FHOD3: variants seen among roughly 807,000 people sequenced by gnomAD.
The protein encoded by FHOD3 is formin homology 2 domain containing 3.
Under a neutral mutation model 173.0 loss-of-function variants are expected in FHOD3, and 90 were observed. The ratio of observed to expected loss-of-function variants is 0.52; its 90% confidence interval spans 0.44 to 0.62. FHOD3 has a LOEUF of 0.62. FHOD3 is among the 20% of genes least tolerant of loss of function. FHOD3 has a pLI of 0.00. For synonymous variants in FHOD3, 828 were observed against 823.0 expected (o/e 1.01, Z -0.10); for missense variants, 1,945 against 2,034.7 (o/e 0.96, Z 0.85).
chr18:36,393,913 C>T (rs2048425340), intron 3 of FHOD3, among the ~76,000 whole-genome samples: 1 of 152,110 alleles, frequency 6.6e-6, no homozygotes, highest in Non-Finnish European at 1.5e-5. Context: ...CCGGGGACTA[C>T]AGATATATTA....
intron 5 of FHOD3, among the ~76,000 whole-genome samples, chr18:36,528,039 C>T (rs1394710641): frequency 1.3e-5 from 2 of 152,146 alleles, no homozygotes; most frequent in African/African-American, 4.8e-5. Context: ...TGGTGTTCTC[C>T]CTGAGGACCA....
chr18:36,453,262 TA>T (rs1230450011), intron 3 of FHOD3, among the ~76,000 whole-genome samples: 1 of 152,216 alleles, frequency 6.6e-6, no homozygotes, highest in Non-Finnish European at 1.5e-5. Context: ...TCTCTGGGTA[TA>T]AAAATTTCTT....
At chr18:36,340,800 CT>C (rs1245169969) in intron 1 of FHOD3, among the ~76,000 whole-genome samples, 1 of 152,010 alleles carries the variant, frequency 6.6e-6, no homozygotes, top group African/African-American at 2.4e-5. Flanking sequence ...CCACGCCCGG[CT>C]AATTTTTTTG....
At chr18:36,301,089 A>G (rs2091947635) in intron 1 of FHOD3, among the ~76,000 whole-genome samples, 1 of 152,158 alleles carries the variant, frequency 6.6e-6, no homozygotes, top group African/African-American at 2.4e-5. Context: ...AAAAGTGTAC[A>G]GGGTATAAGT....
chr18:36,465,375 AATG>A (rs1214762827), intron 3 of FHOD3, among the ~76,000 whole-genome samples: 4 of 152,174 alleles, frequency 2.6e-5, no homozygotes, highest in Admixed American at 6.5e-5. Context: ...GAGCACAAGC[AATG>A]ATGTTCGTGG....
chr18:36,637,155 TAA>T (rs1036438028), intron 10 of FHOD3, among the ~76,000 whole-genome samples: 5 of 152,240 alleles, frequency 3.3e-5, no homozygotes, highest in Admixed American at 6.5e-5. Context: ...AGCCTTACAT[TAA>T]AAGACTTCTT....
chr18:36,512,316 A>G (rs1367302032), intron 4 of FHOD3, 122 bp from the exon 5 acceptor site: 8 of 717,074 alleles, frequency 1.1e-5, no homozygotes, highest in African/African-American at 1.7e-5. Flanking sequence ...ATTTGAATAC[A>G]GCAGAGCAAT....
At chr18:36,402,656 C>T (rs899493733) in intron 3 of FHOD3, among the ~76,000 whole-genome samples, 4 of 152,010 alleles carry the variant, frequency 2.6e-5, no homozygotes, top group African/African-American at 9.7e-5. Flanking sequence ...GTGCTCTTTC[C>T]CTGACATCCA....
intron 21 of FHOD3, 90 bp downstream of exon 21, chr18:36,740,928 A>G (rs1283984634): frequency 1.6e-6 from 2 of 1,286,058 alleles, no homozygotes; most frequent in African/African-American, 3.0e-5. Flanking sequence ...GCAGTGAAAT[A>G]TCATTCTTGG....
rs73949810 is a variant in FHOD3 at position 36,633,499 on chromosome 18, A to T, written c.1196+7750A>T. 5.3e-3 allele frequency among the ~76,000 whole-genome samples: 802 copies of T among 152,284 alleles called. 10 individuals carry two copies. The highest frequency in any genetic ancestry group is 0.018 in the African/African-American group (763 of 41,546). On this transcript the variant is annotated intron_variant, in intron 10 of 28. Coordinates refer to ENST00000590592, the MANE Select transcript of FHOD3 (RefSeq NM_001281740.3). ...TAACTTTGTACTGGCTATTGGACTA[A>T]ACAATTTTACATGTATTGTAAATTC...
chr18:36,325,619 G>C (rs1160738197), intron 1 of FHOD3, among the ~76,000 whole-genome samples: 4 of 152,160 alleles, frequency 2.6e-5, no homozygotes, highest in Admixed American at 2.6e-4. Flanking sequence ...ATCCATAATA[G>C]ATGGTGCTAG....
intron 3 of FHOD3, among the ~76,000 whole-genome samples, chr18:36,383,208 A>G (rs2047876765): frequency 6.6e-6 from 1 of 152,108 alleles, no homozygotes; most frequent in South Asian, 2.1e-4. Context: ...GATGTCACCT[A>G]GGAATGGATG....
At chr18:36,580,530 C>A (rs768123441) in intron 6 of FHOD3, among the ~76,000 whole-genome samples, 10 of 152,200 alleles carry the variant, frequency 6.6e-5, no homozygotes, top group African/African-American at 9.6e-5. Flanking sequence ...CTCCTGCCCC[C>A]CTGCAGGGTG....
At chr18:36,700,178 T>G (rs2039504609) in intron 17 of FHOD3, among the ~76,000 whole-genome samples, 1 of 152,154 alleles carries the variant, frequency 6.6e-6, no homozygotes, top group African/African-American at 2.4e-5. Context: ...GCATTCCACC[T>G]GTGATTTTTA....
intron 3 of FHOD3, among the ~76,000 whole-genome samples, chr18:36,480,922 C>A (rs1295773757): frequency 6.8e-6 from 1 of 147,746 alleles, no homozygotes; most frequent in Non-Finnish European, 1.5e-5. Context: ...TTCTTCATGG[C>A]ATTAGGAAAG....
chr18:36,507,761 C>T (rs1377895177), intron 4 of FHOD3, among the ~76,000 whole-genome samples: 1 of 152,168 alleles, frequency 6.6e-6, no homozygotes, highest in Non-Finnish European at 1.5e-5. Context: ...AAGCTGAACA[C>T]AACAAACTTC....
At chr18:36,762,535 G>A (rs867709537) in intron 27 of FHOD3, among the ~76,000 whole-genome samples, 3 of 152,128 alleles carry the variant, frequency 2.0e-5, no homozygotes, top group East Asian at 3.8e-4. Flanking sequence ...GGTGGCTCAC[G>A]CCTGTAATCC....
At chr18:36,659,840 T>C (rs568985731) in intron 14 of FHOD3, among the ~76,000 whole-genome samples, 1 of 152,356 alleles carries the variant, frequency 6.6e-6, no homozygotes, top group South Asian at 2.1e-4. Flanking sequence ...TTTCTGCCAC[T>C]GGAATCCCAG....
chr18:36,595,601 T>A lies in FHOD3; in HGVS notation c.718+703T>A, dbSNP rs536982522. On this transcript the variant is annotated intron_variant, in intron 7 of 28. Coordinates refer to ENST00000590592, the MANE Select transcript of FHOD3 (RefSeq NM_001281740.3). ...CCATCCCTGTCTCTCCAAGTCGGGG[T>A]TGCCTGCTCAAGGATGGGGTCTCTG... Among the ~76,000 whole-genome samples the A allele has an allele frequency of 5.3e-5, 8 of 152,174 alleles. No homozygotes were observed. The East Asian group carries it at 1.2e-3, about 22-fold the overall frequency.
Sources: gnomAD v4.1 joint callset for allele counts (sites outside exome capture counted in the v4.1 genomes callset) on GRCh38, gnomAD v4.1.1 for gene constraint, MANE v1.5 for transcripts, NCBI Gene and HGNC (gene_info 2026-07-23, HGNC 2026-07-21) for gene names.